The following FHL3 variants were observed in gnomAD, a reference collection of about 807,000 sequenced individuals.
FHL3 encodes the protein four and a half LIM domains 3, also known as four and a half LIM domains protein 3.
In FHL3, 21 loss-of-function variants were observed where a neutral mutation model predicts 34.3. The observed-to-expected ratio is 0.61, with a 90% CI of 0.43 to 0.88. The LOEUF is 0.88. FHL3 is among the 40% of genes least tolerant of loss of function. FHL3 has a pLI of 0.00. For synonymous variants in FHL3, 137 were observed against 144.6 expected, an observed-to-expected ratio of 0.95 and a Z score of 0.38; for missense variants, 333 against 373.7, an observed-to-expected ratio of 0.89 and a Z score of 0.90.
At chr1:38,004,316 G>A (rs753492197) in intron 1 of FHL3, among the ~76,000 whole-genome samples, 2 of 152,118 alleles carry the variant, frequency 1.3e-5, no homozygotes, top group African/African-American at 4.8e-5. Context: ...GTGTGTGCGT[G>A]GGGCTCTTCT....
In FHL3 at chr1:37,997,798, G is replaced by A. The variant is rs1646549971; in HGVS notation, c.574C>T (p.Gln192Ter). Residue 192 changes from glutamine (Q) to a stop codon, truncating the protein, a stop_gained, in exon 5 of 6, where the codon CAG (glutamine) becomes TAG (stop). Coordinates refer to ENST00000373016, the MANE Select transcript of FHL3 (RefSeq NM_004468.5). LOFTEE classifies it high-confidence loss of function. This position sits in a 1 kb window ranked among gnomAD's most constrained non-coding sequence, Gnocchi z 4.3. ...HRECLVCTGC[Q>*]TPLAGQQFTS... Reference sequence around the variant, plus strand: ...AACTGCTGCCCTGCCAGGGGCGTCTGGCATCCGGTACAGACCAGACATTCT... The same window carrying A: ...AACTGCTGCCCTGCCAGGGGCGTCTAGCATCCGGTACAGACCAGACATTCT... 1.2e-6 allele frequency: 2 copies of A among 1,614,012 alleles called. No individual in the cohort carries two copies. The highest frequency in any genetic ancestry group is 1.7e-5 in the Admixed American group (1 of 60,008).
chr1:37,997,883 CATCCATTAGTAGGT>C lies in FHL3; in HGVS notation c.502-27_502-14del. Reference sequence around the variant, plus strand: ...CCTGTGTCAGCGTCTGTGGGGGCAGCATCCATTAGTAGGTATGAGTGGGGATTCCCACCCCACAA... The same window carrying C: ...CCTGTGTCAGCGTCTGTGGGGGCAGCATGAGTGGGGATTCCCACCCCACAA... On this transcript the variant is annotated splice_polypyrimidine_tract_variant and intron_variant, in intron 4 of 5. Coordinates refer to ENST00000373016, the MANE Select transcript of FHL3 (RefSeq NM_004468.5). This position sits in a 1 kb window ranked among gnomAD's most constrained non-coding sequence, Gnocchi z 4.3. The C allele has an allele frequency of 1.2e-6, 2 of 1,613,568 alleles. No individual in the cohort carries two copies. Among genetic ancestry groups the C allele is most frequent in the Non-Finnish European group, 1.7e-6 (2 of 1,179,560 alleles).
chr1:37,999,238 G>C lies in FHL3; in HGVS notation c.156+19C>G. On this transcript the variant is annotated intron_variant, in intron 2 of 5. Coordinates refer to ENST00000373016, the MANE Select transcript of FHL3 (RefSeq NM_004468.5). Reference sequence around the variant, plus strand: ...ACTGGTCACCACCCACCTCCTGCCTGGCCTGGCCCTCTCCTTACCCTCGAG... The same window carrying C: ...ACTGGTCACCACCCACCTCCTGCCTCGCCTGGCCCTCTCCTTACCCTCGAG... 4 of 1,614,164 alleles carry C rather than the reference G, an allele frequency of 2.5e-6. No homozygotes were observed. The highest frequency in any genetic ancestry group is 3.4e-6 in the Non-Finnish European group (4 of 1,180,004).
In FHL3 at chr1:38,005,450, G is replaced by C. The variant is rs1379850323; in HGVS notation, c.-114C>G. 1 of 149,910 alleles carries C rather than the reference G, an allele frequency of 6.7e-6. No individual in the cohort carries two copies. The highest frequency in any genetic ancestry group is 6.6e-5 in the Admixed American group (1 of 15,080). The allele number at this position is 149,910 out of a possible 1,614,324, so 9.3% of individuals were successfully genotyped here. A position where few individuals can be genotyped will look rare whatever the true frequency, so the allele number is the denominator to read the frequency against. On this transcript the variant is annotated 5_prime_UTR_variant, in exon 1 of 6. Coordinates refer to ENST00000373016, the MANE Select transcript of FHL3 (RefSeq NM_004468.5). ...TCGGCGGCTCCTACCTGCGGGCCGG[G>C]CCAAGCGGGGGCCGAGCGAGCTGCC...
intron 1 of FHL3, 106 bp from the exon 2 acceptor site, chr1:37,999,538 G>C (rs921318238): frequency 6.6e-6 from 7 of 1,054,550 alleles, no homozygotes; most frequent in Non-Finnish European, 9.7e-6. Flanking sequence ...CCCGGCATAG[G>C]AAATGCCAGT....
chr1:38,005,400 G>T lies in FHL3; in HGVS notation c.-64C>A. 6.7e-6 allele frequency: 1 copy of T among 149,320 alleles called. No individual in the cohort carries two copies. Among genetic ancestry groups the T allele is most frequent in the East Asian group, 1.9e-4 (1 of 5,162 alleles). The allele number at this position is 149,320 out of a possible 1,614,324, so 9.2% of individuals were successfully genotyped here. ...AGCGGGGAGCGCGCGGCGCAGGCGG[G>T]GCCGGGAACCGGGCGCCGCGTCCCT... On this transcript the variant is annotated 5_prime_UTR_variant, in exon 1 of 6. Transcript: ENST00000373016.
intron 3 of FHL3, 52 bp from the exon 4 acceptor site, chr1:37,998,184 C>T: frequency 6.4e-7 from 1 of 1,552,758 alleles, no homozygotes. Flanking sequence ...CTCCTGAGGG[C>T]CACCCTCTGT....
chr1:38,004,315 T>G (rs935389794), intron 1 of FHL3, among the ~76,000 whole-genome samples: 1 of 152,070 alleles, frequency 6.6e-6, no homozygotes, highest in Admixed American at 6.5e-5. Flanking sequence ...TGTGTGTGCG[T>G]GGGGCTCTTC....
chr1:37,999,059 G>A lies in FHL3; in HGVS notation c.246C>T (p.Cys82=). 6.2e-7 allele frequency: 1 copy of A among 1,614,258 alleles called. No individual in the cohort carries two copies. The highest frequency in any genetic ancestry group is 1.1e-5 in the South Asian group (1 of 91,088). ...QRSLADEPFT[C]QDSELLCNDC... is the part of the protein sequence containing the mutation. ...CATTGCAGAGCAGCTCACTGTCCTG[G>A]CAGGTGAAGGGTTCATCGGCTAGTG... is the stretch of plus-strand genomic sequence containing the variant. Residue 82 remains cysteine (C), a synonymous_variant, in exon 3 of 6, where the codon TGC becomes TGT. Transcript: ENST00000373016.
At chr1:38,002,168 G>A (rs564132099) in intron 1 of FHL3, among the ~76,000 whole-genome samples, 4 of 151,216 alleles carry the variant, frequency 2.6e-5, no homozygotes, top group East Asian at 1.9e-4. Context: ...GCGCAATCTC[G>A]GCTCACTGCA....
chr1:37,999,246 C>T lies in FHL3; in HGVS notation c.156+11G>A, dbSNP rs759432735. 8 of 1,614,066 alleles carry T rather than the reference C, an allele frequency of 5.0e-6. No homozygotes were observed. In the East Asian group the frequency reaches 1.6e-4, roughly 31 times the overall value. ...CCACCCACCTCCTGCCTGGCCTGGC[C>T]CTCTCCTTACCCTCGAGTCATGCCC... On this transcript the variant is annotated intron_variant, in intron 2 of 5. Coordinates refer to ENST00000373016, the MANE Select transcript of FHL3 (RefSeq NM_004468.5).
At chr1:38,004,888 G>T (rs1646628295) in intron 1 of FHL3, among the ~76,000 whole-genome samples, 1 of 152,038 alleles carries the variant, frequency 6.6e-6, no homozygotes, top group Non-Finnish European at 1.5e-5. Context: ...TTCTGAAAAT[G>T]CTCCACAAAG....
In FHL3 at chr1:37,997,996, G is replaced by A; in HGVS notation, c.468C>T (p.Asn156=). The A allele has an allele frequency of 6.2e-7, 1 of 1,614,168 alleles. No individual in the cohort carries two copies. The highest frequency in any genetic ancestry group is 8.5e-7 in the Non-Finnish European group (1 of 1,180,000). Residue 156 remains asparagine (N), a synonymous_variant, in exon 4 of 6, where the codon AAC becomes AAT. Transcript: ENST00000373016. This position sits in a 1 kb window ranked among gnomAD's most constrained non-coding sequence, Gnocchi z 4.3. ...AGCGGGCGCAGCGAGGAGCAAACTT[G>A]TTCTCATAGCAGGGCACGCAGTAGT... is the stretch of plus-strand genomic sequence containing the variant. The part of the protein sequence containing the change: ...GAHYCVPCYE[N]KFAPRCARCS...
chr1:38,004,885 A>T (rs1646628250), intron 1 of FHL3, among the ~76,000 whole-genome samples: 1 of 151,998 alleles, frequency 6.6e-6, no homozygotes, highest in Non-Finnish European at 1.5e-5. Flanking sequence ...TTTTTCTGAA[A>T]ATGCTCCACA....
At position 37,997,151 on chromosome 1, in the gene FHL3, C is replaced by T; in HGVS notation, c.*254G>A. ...GGACTCAGTCTGGGAACCCAGACTGCAGGGGAGAGGGTGAATTCTGGAGTC... is the reference window on the plus strand; with the variant it reads ...GGACTCAGTCTGGGAACCCAGACTGTAGGGGAGAGGGTGAATTCTGGAGTC... On this transcript the variant is annotated 3_prime_UTR_variant, in exon 6 of 6. Coordinates refer to ENST00000373016, the MANE Select transcript of FHL3 (RefSeq NM_004468.5). The surrounding 1 kb of genome is among the most constrained non-coding windows in gnomAD (Gnocchi z 4.3). 2.1e-6 allele frequency: 1 copy of T among 471,130 alleles called. No homozygotes were observed. The highest frequency in any genetic ancestry group is 3.8e-6 in the Non-Finnish European group (1 of 261,306). The allele number at this position is 471,130 out of a possible 1,614,324, so 29.2% of individuals were successfully genotyped here.
chr1:38,002,799 T>TG (rs1646608962), intron 1 of FHL3, among the ~76,000 whole-genome samples: 1 of 151,492 alleles, frequency 6.6e-6, no homozygotes, highest in Admixed American at 6.6e-5. Flanking sequence ...TGTTTTGAGT[T>TG]GGGGTCTCAC....
At chr1:38,000,152 C>G (rs920076691) in intron 1 of FHL3, among the ~76,000 whole-genome samples, 6 of 152,238 alleles carry the variant, frequency 3.9e-5, no homozygotes, top group Non-Finnish European at 8.8e-5. Flanking sequence ...CTCATCCCCC[C>G]ACCCCCGCTG....
chr1:38,002,268 T>G (rs184486866), intron 1 of FHL3, among the ~76,000 whole-genome samples: 1 of 151,874 alleles, frequency 6.6e-6, no homozygotes, highest in African/African-American at 2.4e-5. Flanking sequence ...CCGGCTAATT[T>G]TTTGTATTTT....
At position 37,997,185 on chromosome 1, in the gene FHL3, G is replaced by T; in HGVS notation, c.*220C>A. On this transcript the variant is annotated 3_prime_UTR_variant, in exon 6 of 6. Transcript: ENST00000373016. The surrounding 1 kb of genome is among the most constrained non-coding windows in gnomAD (Gnocchi z 4.3). ...GGGTGAATTCTGGAGTCCAGGTGTG[G>T]GGAGGGGGCTTGACTCATGGAGGCT... The T allele has an allele frequency of 1.8e-6, 1 of 550,834 alleles. No homozygotes were observed. The highest frequency in any genetic ancestry group is 3.2e-6 in the Non-Finnish European group (1 of 309,064). 34.1% of individuals were successfully genotyped at this position (550,834 alleles called of 1,614,324 possible). A position where few individuals can be genotyped will look rare whatever the true frequency, so the allele number is the denominator to read the frequency against.
Sources: allele counts gnomAD v4.1 joint callset (sites outside exome capture counted in the v4.1 genomes callset), GRCh38; gene constraint gnomAD v4.1.1; non-coding constraint Gnocchi (gnomAD v3.1); transcripts MANE v1.5; gene names NCBI Gene and HGNC (gene_info 2026-07-23, HGNC 2026-07-21).